SYMPK: variants seen among roughly 807,000 people sequenced by gnomAD.
SYMPK encodes symplekin scaffold protein, also known as symplekin.
Under a neutral mutation model 136.4 loss-of-function variants are expected in SYMPK, and 49 were observed. The ratio of observed to expected loss-of-function variants is 0.36; its 90% confidence interval spans 0.29 to 0.46. The LOEUF (loss-of-function observed/expected upper bound fraction) is 0.46, where lower values mean the gene tolerates loss of function less well. Among genes scored for constraint, SYMPK ranks in the 20% least tolerant of loss-of-function variants. The probability of loss-of-function intolerance (pLI) is 1.00; values close to 1 mark genes in which losing one functional copy is unlikely to be tolerated. For missense variants in SYMPK, 1,365 were observed against 1,690.0 expected, an observed-to-expected ratio of 0.81 and a Z score of 3.37; for synonymous variants, 766 against 713.0, an observed-to-expected ratio of 1.07 and a Z score of -1.19.
intron 23 of SYMPK, chr19:45,817,213 A>T: frequency 2.0e-6 from 1 of 509,782 alleles, no homozygotes; most frequent in Non-Finnish European, 3.4e-6. Context: ...CTTTTACCAG[A>T]GCTCCCCCTG....
intron 1 of SYMPK, among the ~76,000 whole-genome samples, chr19:45,856,271 C>T (rs1160741777): frequency 2.0e-5 from 3 of 151,884 alleles, no homozygotes; most frequent in Non-Finnish European, 2.9e-5. Flanking sequence ...ACCCAGGAGG[C>T]GGAGGTTGCA....
intron 1 of SYMPK, chr19:45,855,899 G>C (rs945753362): frequency 6.6e-6 from 1 of 152,152 alleles, no homozygotes; most frequent in Non-Finnish European, 1.5e-5. Flanking sequence ...GGGAGGTGAA[G>C]GCAGAGGCTG....
intron 19 of SYMPK, 49 bp downstream of exon 19, chr19:45,823,718 G>T: frequency 1.3e-6 from 2 of 1,536,658 alleles, no homozygotes; most frequent in South Asian, 1.1e-5. Context: ...CCCGGGGAAG[G>T]CTAAGGAGAG....
Position 45,854,198 on chromosome 19 carries a change from A to C in SYMPK, c.148T>G (p.Ser50Ala), listed in dbSNP as rs201588333. 7 of 1,613,956 alleles carry C rather than the reference A, an allele frequency of 4.3e-6. No individual in the cohort carries two copies. The African/African-American group carries it at 9.3e-5, about 22-fold the overall frequency. ...LNQAALITND[S>A]KITVLKQVQE... ...ACCTGTTTGAGCACTGTGATCTTTGAGTCATTGGTGATCAGCGCCGCCTGG... is the reference window on the plus strand; with the variant it reads ...ACCTGTTTGAGCACTGTGATCTTTGCGTCATTGGTGATCAGCGCCGCCTGG... The change falls in exon 3 of 27, where the codon TCA becomes GCA. Residue 50 changes from serine (S) to alanine (A), a missense_variant. Coordinates refer to ENST00000245934, the MANE Select transcript of SYMPK (RefSeq NM_004819.3).
chr19:45,827,565 C>T lies in SYMPK; in HGVS notation c.2126G>A (p.Arg709His), dbSNP rs145063068. 2.0e-5 allele frequency: 33 copies of T among 1,614,062 alleles called. 1 individual carries two copies. The highest frequency in any genetic ancestry group is 6.6e-5 in the South Asian group (6 of 91,078). The change falls in exon 16 of 27, where the codon CGC (arginine) becomes CAC (histidine). Residue 709 changes from arginine (R) to histidine (H), a missense_variant. By Grantham distance (29) the Arg-to-His change is conservative. This residue lies in a region of SYMPK where 303 missense variants were observed against 326.6 expected (regional missense o/e 0.93). Coordinates refer to ENST00000245934, the MANE Select transcript of SYMPK (RefSeq NM_004819.3). ...GAGGACATGCAGGTACTGGAACTGG[C>T]GGGACGGGCGCTTGAAGATCAGGTC... ...LRDLIFKRPS[R>H]QFQYLHVLLD...
chr19:45,831,134 T>G, intron 12 of SYMPK: 1 of 356,300 alleles, frequency 2.8e-6, no homozygotes. Context: ...ATGAGAAAGA[T>G]ACTATCATTA....
intron 1 of SYMPK, among the ~76,000 whole-genome samples, chr19:45,859,331 C>T (rs1971907380): frequency 1.3e-5 from 2 of 149,024 alleles, no homozygotes; most frequent in South Asian, 4.2e-4. Context: ...GGTGTGGTGG[C>T]TCACTCCTGT....
At chr19:45,859,566 C>T (rs1003486506) in intron 1 of SYMPK, among the ~76,000 whole-genome samples, 2 of 152,248 alleles carry the variant, frequency 1.3e-5, no homozygotes, top group East Asian at 1.9e-4. Flanking sequence ...CGCCACTGCA[C>T]TCCAGCCTGG....
intron 9 of SYMPK, among the ~76,000 whole-genome samples, chr19:45,841,844 G>A (rs1971446315): frequency 6.6e-6 from 1 of 152,104 alleles, no homozygotes; most frequent in African/African-American, 2.4e-5. Flanking sequence ...CACCTGGGGA[G>A]TGGTTACTTC....
chr19:45,855,150 T>C (rs2146345155), intron 1 of SYMPK: 1 of 154,610 alleles, frequency 6.5e-6, no homozygotes, highest in South Asian at 2.0e-4. Flanking sequence ...AGTGCAGGGA[T>C]TACAGGCGTG....
chr19:45,858,793 G>A lies in SYMPK; in HGVS notation c.-13+4265C>T, dbSNP rs376044949. 1.3e-4 allele frequency among the ~76,000 whole-genome samples: 20 copies of A among 151,920 alleles called. No individual in the cohort carries two copies. In the East Asian group the frequency reaches 1.9e-3, roughly 15 times the overall value. On this transcript the variant is annotated intron_variant, in intron 1 of 26. Transcript: ENST00000245934. ...GCCTCCCAAAGTGCTGGGATTACAGGCATGAGCCACCGCGCCCGGCCGACG... is the reference window on the plus strand; with the variant it reads ...GCCTCCCAAAGTGCTGGGATTACAGACATGAGCCACCGCGCCCGGCCGACG...
At chr19:45,842,214 A>G (rs1426134057) in intron 9 of SYMPK, 36 bp downstream of exon 9, 1 of 1,612,356 alleles carries the variant, frequency 6.2e-7, no homozygotes, top group Non-Finnish European at 8.5e-7. Flanking sequence ...ACATTTCAGC[A>G]TGGTCTGCCT....
intron 22 of SYMPK, chr19:45,819,019 A>G (rs1268854152): frequency 6.6e-6 from 1 of 151,702 alleles, no homozygotes; most frequent in Non-Finnish European, 1.5e-5. Flanking sequence ...GGGCGTAGAC[A>G]GGTGGGGAGG....
chr19:45,840,277 T>C (rs534371268), intron 9 of SYMPK, among the ~76,000 whole-genome samples: 1 of 137,980 alleles, frequency 7.2e-6, no homozygotes, highest in African/African-American at 2.8e-5. Flanking sequence ...ATCAGGCCAC[T>C]GTACTCCAGC....
At position 45,821,495 on chromosome 19, in the gene SYMPK, G is replaced by A. The variant is rs1319230284; in HGVS notation, c.2792-10C>T. On this transcript the variant is annotated splice_polypyrimidine_tract_variant and intron_variant, in intron 21 of 26. Coordinates refer to ENST00000245934, the MANE Select transcript of SYMPK (RefSeq NM_004819.3). The surrounding 1 kb of genome is among the most constrained non-coding windows in gnomAD (Gnocchi z 4.4). ...GCTGAGTTTCCCTCACCTGCAGCAG[G>A]CGGGAGGAAGGGTGGGGGAAGACAG... 4 of 1,602,808 alleles carry A rather than the reference G, an allele frequency of 2.5e-6. No individual in the cohort carries two copies. The highest frequency in any genetic ancestry group is 3.4e-6 in the Non-Finnish European group (4 of 1,169,978).
At chr19:45,836,442 AAC>A (rs1218613849) in intron 10 of SYMPK, among the ~76,000 whole-genome samples, 2 of 151,880 alleles carry the variant, frequency 1.3e-5, no homozygotes, top group African/African-American at 4.8e-5. Context: ...CATCTTGGCT[AAC>A]ACAGCGAAAC....
chr19:45,852,679 C>A, intron 3 of SYMPK, 144 bp from the exon 4 acceptor site: 1 of 1,000,846 alleles, frequency 1.0e-6, no homozygotes, highest in Non-Finnish European at 1.5e-6. Context: ...CTTCTCCCTA[C>A]CAAGGGTGCT....
Position 45,838,608 on chromosome 19 carries a change from G to T in SYMPK, c.1095C>A (p.Asn365Lys). The T allele has an allele frequency of 6.2e-7, 1 of 1,613,690 alleles. No individual in the cohort carries two copies. The highest frequency in any genetic ancestry group is 8.5e-7 in the Non-Finnish European group (1 of 1,179,686). Residue 365 changes from asparagine (N) to lysine (K), a missense_variant, in exon 10 of 27, where the codon AAC (asparagine) becomes AAA (lysine). By Grantham distance (94) the Asn-to-Lys change is moderately conservative. Around this residue, in one of 11 missense-constraint regions of SYMPK, gnomAD observed 111 missense variants for 141.2 expected, o/e 0.79. Transcript: ENST00000245934. ...STLKKMKLEP[N>K]LGEDDEDKDL... ...CTTTGTCCTCATCGTCCTCCCCCAG[G>T]TTGGGCTCTGGGATGAGGGAAAAGA...
At chr19:45,839,648 G>A (rs1038307251) in intron 9 of SYMPK, among the ~76,000 whole-genome samples, 15 of 152,134 alleles carry the variant, frequency 9.9e-5, no homozygotes, top group South Asian at 8.3e-4. Flanking sequence ...GGCTAACACG[G>A]TGAAACCCCG....
Sources: allele counts gnomAD v4.1 joint callset (sites outside exome capture counted in the v4.1 genomes callset), GRCh38; gene constraint gnomAD v4.1.1; regional missense constraint gnomAD v4.1.1; non-coding constraint Gnocchi (gnomAD v3.1); transcripts MANE v1.5; gene names NCBI Gene and HGNC (gene_info 2026-07-23, HGNC 2026-07-21).